The following PPP2R3C variants were observed in gnomAD, a reference collection of about 807,000 sequenced individuals.
PPP2R3C encodes serine/threonine-protein phosphatase 2A regulatory subunit B'' subunit gamma.
In PPP2R3C, 47 loss-of-function variants were observed where a neutral mutation model predicts 63.7. That is an observed-to-expected ratio of 0.74 (90% CI 0.58 to 0.94). PPP2R3C has a LOEUF of 0.94. Among genes scored for constraint, PPP2R3C ranks in the 40% least tolerant of loss-of-function variants. The pLI, the probability that PPP2R3C is intolerant of heterozygous loss-of-function variation, is 0.00. For synonymous variants in PPP2R3C, 180 were observed against 177.4 expected (o/e 1.01, Z -0.12); for missense variants, 421 against 518.4 (o/e 0.81, Z 1.82).
At chr14:35,122,190 A>C, upstream of PPP2R3C, 1 of 551,342 alleles carries the variant, frequency 1.8e-6, no homozygotes. Flanking sequence ...GAGATGGAAA[A>C]TGGTTCTCCT....
At chr14:35,111,277 A>C (rs1212177096) in intron 2 of PPP2R3C, among the ~76,000 whole-genome samples, 2 of 151,960 alleles carry the variant, frequency 1.3e-5, no homozygotes, top group East Asian at 1.9e-4. Flanking sequence ...AGAAGAATTA[A>C]ATGAGGATTA....
At chr14:35,096,848 A>G (rs2046015711) in intron 7 of PPP2R3C, 84 bp from the exon 8 acceptor site, 2 of 1,202,238 alleles carry the variant, frequency 1.7e-6, no homozygotes, top group Non-Finnish European at 2.3e-6. Context: ...TTTTAACAAG[A>G]GCAATCACAC....
intron 6 of PPP2R3C, 137 bp downstream of exon 6, chr14:35,107,167 T>C: frequency 1.8e-6 from 1 of 555,980 alleles, no homozygotes; most frequent in African/African-American, 1.9e-5. Context: ...ACTAAATATG[T>C]ACACACAAAC....
At position 35,087,960 on chromosome 14, in the gene PPP2R3C, T is replaced by C; in HGVS notation, c.1164A>G (p.Gln388=). 6.3e-7 allele frequency: 1 copy of C among 1,595,090 alleles called. No individual in the cohort carries two copies. The highest frequency in any genetic ancestry group is 1.3e-5 in the African/African-American group (1 of 74,606). Residue 388 remains glutamine (Q), a synonymous_variant, in exon 12 of 13, where the codon CAA becomes CAG. Coordinates refer to ENST00000261475, the MANE Select transcript of PPP2R3C (RefSeq NM_017917.4). ...KIHGQDPVSF[Q]DVKDEIFDMV... ...TAAAGGAAAAGATAACCTTGACATC[T>C]TGAAATGAAACAGGATCTTGTCCAT... is the stretch of plus-strand genomic sequence containing the variant.
intron 9 of PPP2R3C, 67 bp from the exon 10 acceptor site, chr14:35,095,251 CAA>C (rs1212455766): frequency 1.3e-5 from 19 of 1,508,534 alleles, no homozygotes; most frequent in Middle Eastern, 1.8e-4. Context: ...AATAGACTAA[CAA>C]AAAGTTTTTT....
intron 1 of PPP2R3C, 55 bp downstream of exon 1, chr14:35,121,847 C>T: frequency 1.9e-6 from 3 of 1,590,110 alleles, no homozygotes; most frequent in Non-Finnish European, 2.6e-6. Context: ...CTCCCCCCTA[C>T]CTCTAGGAGT....
rs753752520 is a variant in PPP2R3C, at chr14:35,085,714, T to C, written c.1238A>G (p.Asn413Ser). Reference protein sequence around the residue: ...PLKISLQDLINSNQGDTVTTI... With the variant: ...PLKISLQDLISSNQGDTVTTI... ...GGTTACTGTGTCTCCTTGATTACTG[T>C]TGATTAAATCCTGAAGAGAGATTTT... is the stretch of plus-strand genomic sequence containing the variant. Residue 413 changes from asparagine to serine, a missense_variant, in exon 13 of 13, where the codon AAC becomes AGC. Around this residue, in one of 3 missense-constraint regions of PPP2R3C, gnomAD observed 231 missense variants for 264.8 expected, o/e 0.87. Coordinates refer to ENST00000261475, the MANE Select transcript of PPP2R3C (RefSeq NM_017917.4). The C allele has an allele frequency of 5.6e-6, 9 of 1,612,634 alleles. No homozygotes were observed. The highest frequency in any genetic ancestry group is 5.5e-5 in the South Asian group (5 of 91,032).
chr14:35,116,052 AT>A (rs1366219028), intron 2 of PPP2R3C, among the ~76,000 whole-genome samples: 7 of 152,182 alleles, frequency 4.6e-5, no homozygotes, highest in Non-Finnish European at 1.0e-4. Flanking sequence ...AATATCTATA[AT>A]AAAAATCAGA....
chr14:35,110,415 G>GTACC lies in PPP2R3C; in HGVS notation c.291+106_291+109dup, dbSNP rs1344283314. ...GAACTGCTGCTTCAGAGCCTATGTA[G>GTACC]TACCACTCTGTAGTACGGACTCCAT... On this transcript the variant is annotated intron_variant, in intron 3 of 12. Transcript: ENST00000261475. 5.1e-5 allele frequency: 35 copies of GTACC among 681,822 alleles called. No homozygotes were observed. The African/African-American group carries it at 6.1e-4, about 12-fold the overall frequency. 42.2% of individuals were successfully genotyped at this position (681,822 alleles called of 1,614,324 possible). A position where few individuals can be genotyped will look rare whatever the true frequency, so the allele number is the denominator to read the frequency against.
chr14:35,089,343 A>G (rs2045713255), intron 11 of PPP2R3C, among the ~76,000 whole-genome samples: 1 of 151,890 alleles, frequency 6.6e-6, no homozygotes, highest in Non-Finnish European at 1.5e-5. Context: ...GGCTCAAGCA[A>G]CCCTCCTTCC....
intron 2 of PPP2R3C, among the ~76,000 whole-genome samples, chr14:35,112,564 G>A (rs2046596009): frequency 2.0e-5 from 3 of 152,144 alleles, no homozygotes; most frequent in Admixed American, 6.6e-5. Context: ...AGTTAAAGGA[G>A]TATAAACCAA....
chr14:35,106,029 TAGAG>T (rs1480150194), intron 6 of PPP2R3C, among the ~76,000 whole-genome samples: 1 of 151,802 alleles, frequency 6.6e-6, no homozygotes, highest in African/African-American at 2.4e-5. Context: ...GTATTTTTAG[TAGAG>T]ATGGGGTTTC....
chr14:35,092,217 C>T (rs1048814680), intron 10 of PPP2R3C, among the ~76,000 whole-genome samples: 10 of 152,058 alleles, frequency 6.6e-5, no homozygotes, highest in East Asian at 1.9e-4. Context: ...TACAGGTACA[C>T]GCCATCACAC....
Position 35,121,983 on chromosome 14 carries a change from C to A in PPP2R3C, c.-24G>T. 6.2e-7 allele frequency: 1 copy of A among 1,614,086 alleles called. No individual in the cohort carries two copies. Among genetic ancestry groups the A allele is most frequent in the Non-Finnish European group, 8.5e-7 (1 of 1,179,946 alleles). Reference sequence around the variant, plus strand: ...ATGGCCGACTTCCGCGCAGCAGCTTCTGCATTTGCTGTTTCCTACCTGCTC... The same window carrying A: ...ATGGCCGACTTCCGCGCAGCAGCTTATGCATTTGCTGTTTCCTACCTGCTC... On this transcript the variant is annotated 5_prime_UTR_variant, in exon 1 of 13. Transcript: ENST00000261475.
chr14:35,103,051 G>A (rs542308576), intron 6 of PPP2R3C, among the ~76,000 whole-genome samples: 28 of 152,256 alleles, frequency 1.8e-4, no homozygotes, highest in Admixed American at 1.0e-3. Context: ...ATGAGCCACC[G>A]TGCCTGGCCG....
At chr14:35,117,000 C>T in intron 1 of PPP2R3C, 1 of 433,586 alleles carries the variant, frequency 2.3e-6, no homozygotes, top group South Asian at 1.7e-5. Context: ...GTCTCTTCCT[C>T]AAATTACCTC....
intron 11 of PPP2R3C, among the ~76,000 whole-genome samples, chr14:35,089,132 C>G (rs1395703982): frequency 6.6e-6 from 1 of 152,018 alleles, no homozygotes; most frequent in Admixed American, 6.6e-5. Flanking sequence ...GAGATAGGGT[C>G]TTACTCTGTC....
chr14:35,091,369 T>C (rs2045811248), intron 10 of PPP2R3C, among the ~76,000 whole-genome samples, 162 bp from the exon 11 acceptor site: 1 of 152,224 alleles, frequency 6.6e-6, no homozygotes, highest in South Asian at 2.1e-4. Context: ...TATTGGTTTC[T>C]AGGGAATTTT....
At chr14:35,095,674 T>TA (rs1324683162) in intron 9 of PPP2R3C, among the ~76,000 whole-genome samples, 178 of 121,622 alleles carry the variant, frequency 1.5e-3, no homozygotes, top group South Asian at 5.5e-3. Flanking sequence ...CCGTCTCTAC[T>TA]AAAAAAAAAA....
Sources: gnomAD v4.1 joint callset for allele counts (sites outside exome capture counted in the v4.1 genomes callset) on GRCh38, gnomAD v4.1.1 for gene constraint, gnomAD v4.1.1 regional missense constraint, MANE v1.5 for transcripts, NCBI Gene and HGNC (gene_info 2026-07-23, HGNC 2026-07-21) for gene names.